The following SCN11A variants were observed in gnomAD, a reference collection of about 807,000 sequenced individuals.
SCN11A encodes sodium voltage-gated channel alpha subunit 11, also known as sodium channel protein type 11 subunit alpha.
SCN11A carries 122 observed loss-of-function variants against 162.2 expected under a neutral mutation model. The observed-to-expected ratio is 0.75, with a 90% CI of 0.65 to 0.87. The LOEUF (loss-of-function observed/expected upper bound fraction) is 0.87. Among genes scored for constraint, SCN11A ranks in the 40% least tolerant of loss-of-function variants. SCN11A has a pLI of 0.00. For missense variants in SCN11A, 2,015 were observed against 2,181.6 expected (o/e 0.92, Z 1.52); for synonymous variants, 758 against 751.5 (o/e 1.01, Z -0.14).
At chr3:38,916,578 G>C (rs1177321387) in intron 11 of SCN11A, among the ~76,000 whole-genome samples, 1 of 152,104 alleles carries the variant, frequency 6.6e-6, no homozygotes, top group Non-Finnish European at 1.5e-5. Flanking sequence ...CAAAATCGTT[G>C]GCACTGATGA....
At chr3:38,910,922 T>TA (rs1204139401) in intron 11 of SCN11A, among the ~76,000 whole-genome samples, 1 of 152,194 alleles carries the variant, frequency 6.6e-6, no homozygotes, top group Non-Finnish European at 1.5e-5. Context: ...AGTTTTTTAA[T>TA]AAATAGTATT....
chr3:38,897,265 A>C (rs2065619460), intron 17 of SCN11A, 40 bp from the exon 18 acceptor site: 1 of 1,552,144 alleles, frequency 6.4e-7, no homozygotes, highest in African/African-American at 1.4e-5. Context: ...AAGAAAAGCC[A>C]GTTAAGGACA....
intron 16 of SCN11A, 54 bp downstream of exon 16, chr3:38,903,811 G>C (rs1036397599): frequency 3.0e-6 from 4 of 1,332,838 alleles, no homozygotes; most frequent in Non-Finnish European, 4.1e-6. Flanking sequence ...CTTTGAAAAA[G>C]TTATACTTTA....
chr3:38,890,250 CCCAAGTG>C (rs1303609606), intron 19 of SCN11A, among the ~76,000 whole-genome samples: 1 of 152,176 alleles, frequency 6.6e-6, no homozygotes, highest in Non-Finnish European at 1.5e-5. Context: ...ACTGCCCCTG[CCCAAGTG>C]CCTGGAATTG....
At chr3:38,963,956 A>G (rs902579974) in intron 2 of SCN11A, among the ~76,000 whole-genome samples, 14 of 152,340 alleles carry the variant, frequency 9.2e-5, no homozygotes, top group Admixed American at 5.9e-4. Context: ...GTTTCAAAGA[A>G]TCTTTCTAGC....
In SCN11A at chr3:38,882,872, T is replaced by C. The variant is rs188703805; in HGVS notation, c.3219+361A>G. Among the ~76,000 whole-genome samples the C allele has an allele frequency of 1.1e-4, 17 of 152,258 alleles. No individual in the cohort carries two copies. In the East Asian group the frequency reaches 3.1e-3, roughly 28 times the overall value. On this transcript the variant is annotated intron_variant, in intron 22 of 29. Transcript: ENST00000302328. ...TTTCAGAAAACAGCACTATGGCTTA[T>C]GGTAACAGGGAGAGTAGAAGCACTG...
At position 38,909,165 on chromosome 3, in the gene SCN11A, G is replaced by A. The variant is rs1406720331; in HGVS notation, c.1131C>T (p.Val377=). Residue 377 remains valine (V), a synonymous_variant, in exon 13 of 30, where the codon GTC becomes GTT. Coordinates refer to ENST00000302328, the MANE Select transcript of SCN11A (RefSeq NM_001349253.2). ...GGAAAATGACCACAATGAAGAAGAA[G>A]ACTGAGTAGAGCCCAGTAGTACGCA... is the stretch of plus-strand genomic sequence containing the variant. The part of the protein sequence containing the change: ...QTLRTTGLYS[V]FFFIVVIFLG... The A allele has an allele frequency of 6.2e-7, 1 of 1,614,102 alleles. No homozygotes were observed. Among genetic ancestry groups the A allele is most frequent in the Non-Finnish European group, 8.5e-7 (1 of 1,179,980 alleles).
chr3:38,867,233 T>C (rs1228868713), intron 27 of SCN11A, 88 bp downstream of exon 27: 6 of 1,292,578 alleles, frequency 4.6e-6, no homozygotes, highest in Admixed American at 3.9e-5. Flanking sequence ...GGCTACTTTG[T>C]ATAACATTCT....
intron 27 of SCN11A, among the ~76,000 whole-genome samples, chr3:38,863,901 G>A (rs1356246881): frequency 2.6e-5 from 4 of 152,018 alleles, no homozygotes; most frequent in Non-Finnish European, 5.9e-5. Flanking sequence ...AGCTGAACTG[G>A]CATAAAAGTA....
At chr3:38,899,810 T>C in intron 17 of SCN11A, 84 bp downstream of exon 17, 1 of 1,091,312 alleles carries the variant, frequency 9.2e-7, no homozygotes, top group Non-Finnish European at 1.3e-6. Context: ...TAAAGTTTAG[T>C]ACAAGATAAC....
chr3:38,922,664 AAAG>A (rs140303050), intron 9 of SCN11A, among the ~76,000 whole-genome samples: 8,358 of 152,130 alleles, frequency 0.055, 766 homozygotes, highest in African/African-American at 0.19. Flanking sequence ...TCCTACTTGA[AAAG>A]AAGAAGGAGA....
chr3:39,024,251 G>C (rs2031530502), intron 2 of SCN11A, among the ~76,000 whole-genome samples: 2 of 152,238 alleles, frequency 1.3e-5, no homozygotes, highest in South Asian at 2.1e-4. Context: ...AATGTGATTA[G>C]ACAAAAGGGT....
intron 19 of SCN11A, among the ~76,000 whole-genome samples, chr3:38,887,169 A>G (rs919690942): frequency 2.6e-5 from 4 of 152,098 alleles, no homozygotes; most frequent in African/African-American, 9.7e-5. Flanking sequence ...AGATCCTGAT[A>G]GGGACCAGGT....
chr3:38,903,953 A>C lies in SCN11A; in HGVS notation c.1754T>G (p.Ile585Ser). The change falls in exon 16 of 30, where the codon ATC becomes AGC. Residue 585 changes from isoleucine to serine, a missense_variant. Physicochemically the swap from Ile to Ser is moderately radical, Grantham distance 142. Transcript: ENST00000302328. ...TDPFTELAIT[I>S]CIIINTVFLA... ...GAAGACAGTGTTGATGATGATGCAG[A>C]TGGTGATGGCCAGCTCAGTAAACGG... 2 of 1,614,148 alleles carry C rather than the reference A, an allele frequency of 1.2e-6. No homozygotes were observed. Among genetic ancestry groups the C allele is most frequent in the Non-Finnish European group, 1.7e-6 (2 of 1,179,992 alleles).
chr3:39,019,288 C>A (rs1473697073), intron 2 of SCN11A, among the ~76,000 whole-genome samples: 3 of 152,056 alleles, frequency 2.0e-5, no homozygotes, highest in Non-Finnish European at 4.4e-5. Flanking sequence ...CTCCTGTGAC[C>A]CCACCCAGAA....
chr3:38,880,683 A>AT (rs1331511215), intron 22 of SCN11A, among the ~76,000 whole-genome samples: 1 of 152,186 alleles, frequency 6.6e-6, no homozygotes, highest in African/African-American at 2.4e-5. Context: ...TATGTGTGCC[A>AT]TGACATTAAC....
In SCN11A at chr3:39,051,919, TG is replaced by T; in HGVS notation, c.-463del. 1 of 1,389,900 alleles carries T rather than the reference TG, an allele frequency of 7.2e-7. No individual in the cohort carries two copies. The highest frequency in any genetic ancestry group is 2.4e-5 in the East Asian group (1 of 42,468). The allele number at this position is 1,389,900 out of a possible 1,614,324, so 86.1% of individuals were successfully genotyped here. On this transcript the variant is annotated 5_prime_UTR_variant, in exon 1 of 30. Coordinates refer to ENST00000302328, the MANE Select transcript of SCN11A (RefSeq NM_001349253.2). ...ACAGCACCGAGGAAACACAACAGCC[TG>T]TTTACCTTCAGCCCCGCCACTAACC...
intron 19 of SCN11A, 71 bp downstream of exon 19, chr3:38,894,462 G>T: frequency 7.9e-7 from 1 of 1,266,010 alleles, no homozygotes; most frequent in Non-Finnish European, 1.1e-6. Context: ...CCTAGAAAAG[G>T]GCAGGCTACC....
intron 1 of SCN11A, among the ~76,000 whole-genome samples, chr3:39,050,706 AAATT>A (rs1320250912): frequency 6.6e-6 from 1 of 152,230 alleles, no homozygotes; most frequent in Non-Finnish European, 1.5e-5. Flanking sequence ...ATCCATGACA[AAATT>A]AATAAATTTT....
Sources: allele counts gnomAD v4.1 joint callset (sites outside exome capture counted in the v4.1 genomes callset), GRCh38; gene constraint gnomAD v4.1.1; transcripts MANE v1.5; gene names NCBI Gene and HGNC (gene_info 2026-07-23, HGNC 2026-07-21).